ADGRF1: variants seen among roughly 807,000 people sequenced by gnomAD.
ADGRF1 encodes the protein adhesion G protein-coupled receptor F1.
Under a neutral mutation model 87.2 loss-of-function variants are expected in ADGRF1, and 85 were observed. That is an observed-to-expected ratio of 0.97 (90% CI 0.82 to 1.17). The LOEUF (loss-of-function observed/expected upper bound fraction) is 1.17, where lower values mean the gene tolerates loss of function less well. ADGRF1 is among the 50% of genes most tolerant of loss of function. The pLI, the probability that ADGRF1 is intolerant of heterozygous loss-of-function variation, is 0.00. For synonymous variants in ADGRF1, 430 were observed against 408.8 expected (o/e 1.05, Z -0.63); for missense variants, 1,169 against 1,077.2 (o/e 1.09, Z -1.19).
chr6:47,018,731 G>A, intron 7 of ADGRF1: 1 of 322,272 alleles, frequency 3.1e-6, no homozygotes, highest in Non-Finnish European at 5.7e-6. Flanking sequence ...GGTCAACATG[G>A]TGAAACCCTT....
chr6:47,029,194 C>G (rs1320086237), intron 1 of ADGRF1, 90 bp from the exon 2 acceptor site: 1 of 695,368 alleles, frequency 1.4e-6, no homozygotes, highest in Non-Finnish European at 2.6e-6. Context: ...TAAGGCCTCA[C>G]TGAGCTGATC....
chr6:47,001,530 G>A lies in ADGRF1; in HGVS notation c.2630C>T (p.Ser877Leu), dbSNP rs1437747111. 2 of 1,613,756 alleles carry A rather than the reference G, an allele frequency of 1.2e-6. No individual in the cohort carries two copies. Among genetic ancestry groups the A allele is most frequent in the African/African-American group, 2.7e-5 (2 of 74,922 alleles). ...SSDLSAKPKFSKPFNPLQNKG... is the reference protein window; with the variant it reads ...SSDLSAKPKFLKPFNPLQNKG... Reference sequence around the variant, plus strand: ...GTTTTGCAGTGGGTTGAAAGGCTTTGAGAATTTGGGTTTGGCAGATAAATC... The same window carrying A: ...GTTTTGCAGTGGGTTGAAAGGCTTTAAGAATTTGGGTTTGGCAGATAAATC... The change falls in exon 14 of 15, where the codon TCA (serine) becomes TTA (leucine). Residue 877 changes from serine to leucine, a missense_variant. Coordinates refer to ENST00000371253, the MANE Select transcript of ADGRF1 (RefSeq NM_153840.4).
At chr6:47,003,303 C>A (rs1187086936) in intron 13 of ADGRF1, among the ~76,000 whole-genome samples, 1 of 152,132 alleles carries the variant, frequency 6.6e-6, no homozygotes, top group Admixed American at 6.5e-5. Flanking sequence ...CAGATAGGTC[C>A]TGAAAGAAAT....
rs370515443 is a variant in ADGRF1, at chr6:47,026,752, C to T, written c.128-749G>A. Among the ~76,000 whole-genome samples, 7 of 152,344 alleles carry T rather than the reference C, an allele frequency of 4.6e-5. No individual in the cohort carries two copies. In the East Asian group the frequency reaches 9.7e-4, roughly 21 times the overall value. ...AGCTCACCTATGAAAGACCTGACATCTCACACCATTGCACCCCACTCCCAT... is the reference window on the plus strand; with the variant it reads ...AGCTCACCTATGAAAGACCTGACATTTCACACCATTGCACCCCACTCCCAT... On this transcript the variant is annotated intron_variant, in intron 3 of 14. Coordinates refer to ENST00000371253, the MANE Select transcript of ADGRF1 (RefSeq NM_153840.4).
intron 9 of ADGRF1, chr6:47,014,405 T>C (rs1033816393): frequency 5.3e-6 from 6 of 1,134,350 alleles, no homozygotes; most frequent in Admixed American, 4.5e-5. Context: ...CCATCCATCA[T>C]AGACCTCCTC....
At position 47,042,181 on chromosome 6, in the gene ADGRF1, T is replaced by C. The variant is rs1458500617; in HGVS notation, c.-44+10A>G. Reference sequence around the variant, plus strand: ...GTTCTTAGTAATCAAAGTACAGTTATTGGGCTTACCTGGTGATTTATCTCT... The same window carrying C: ...GTTCTTAGTAATCAAAGTACAGTTACTGGGCTTACCTGGTGATTTATCTCT... On this transcript the variant is annotated intron_variant, in intron 1 of 14. Coordinates refer to ENST00000371253, the MANE Select transcript of ADGRF1 (RefSeq NM_153840.4). 1 of 152,222 alleles carries C rather than the reference T, an allele frequency of 6.6e-6. No individual in the cohort carries two copies. Among genetic ancestry groups the C allele is most frequent in the Non-Finnish European group, 1.5e-5 (1 of 68,040 alleles). The allele number at this position is 152,222 out of a possible 1,614,324, so 9.4% of individuals were successfully genotyped here.
At chr6:47,000,735 A>T (rs1473906620) in intron 14 of ADGRF1, among the ~76,000 whole-genome samples, 1 of 152,210 alleles carries the variant, frequency 6.6e-6, no homozygotes, top group Non-Finnish European at 1.5e-5. Context: ...CTTGAACTTT[A>T]TCTGGAATTT....
intron 1 of ADGRF1, among the ~76,000 whole-genome samples, chr6:47,039,734 G>A (rs376143022): frequency 3.9e-5 from 6 of 152,280 alleles, no homozygotes; most frequent in South Asian, 2.1e-4. Flanking sequence ...GACCAAGGCC[G>A]GTGGATTACT....
At chr6:47,002,542 A>C (rs1315012844) in intron 13 of ADGRF1, among the ~76,000 whole-genome samples, 4 of 152,184 alleles carry the variant, frequency 2.6e-5, no homozygotes, top group African/African-American at 7.2e-5. Flanking sequence ...TGCATCCTGT[A>C]CCATTTGGAG....
intron 2 of ADGRF1, 66 bp downstream of exon 2, chr6:47,028,927 C>A: frequency 7.7e-7 from 1 of 1,294,278 alleles, no homozygotes; most frequent in South Asian, 1.2e-5. Flanking sequence ...GTGAGGGGTT[C>A]TAAAAGTGCC....
intron 1 of ADGRF1, among the ~76,000 whole-genome samples, chr6:47,034,568 T>C (rs961714242): frequency 6.6e-6 from 1 of 152,232 alleles, no homozygotes; most frequent in African/African-American, 2.4e-5. Flanking sequence ...AACTACCGTA[T>C]ACTGACAGCC....
chr6:47,000,287 C>T lies in ADGRF1; in HGVS notation c.2668G>A (p.Ala890Thr). 1.9e-6 allele frequency: 3 copies of T among 1,594,674 alleles called. No individual in the cohort carries two copies. The highest frequency in any genetic ancestry group is 2.6e-6 in the Non-Finnish European group (3 of 1,166,794). ...GAGGAATCTCCAGTATGAGAAAATG[C>T]ATAATGGCCTGAAGGGGAAAAAAAA... ...FNPLQNKGHY[A>T]FSHTGDSSDN... The change falls in exon 15 of 15, where the codon GCA becomes ACA. Residue 890 changes from alanine to threonine, a missense_variant. Ala to Thr is a moderately conservative substitution (Grantham distance 58). Coordinates refer to ENST00000371253, the MANE Select transcript of ADGRF1 (RefSeq NM_153840.4).
rs923045719 is a variant in ADGRF1, at chr6:47,025,972, C to G, written c.159G>C (p.Gln53His). The change falls in exon 4 of 15, where the codon CAG becomes CAC. Residue 53 changes from glutamine (Q) to histidine (H), a missense_variant. Physicochemically the swap from Gln to His is conservative, Grantham distance 24. Transcript: ENST00000371253. The part of the protein sequence containing the change: ...GPVEEYQLLL[Q>H]VTYRDSKEKR... ...TCTCCTTGGAATCTCTATAGGTCAC[C>G]TGAAGCAGCAGCTGATATTCTTCGA... The G allele has an allele frequency of 1.2e-6, 2 of 1,607,336 alleles. No homozygotes were observed. Among genetic ancestry groups the G allele is most frequent in the East Asian group, 4.5e-5 (2 of 44,778 alleles).
At chr6:47,040,620 GC>G (rs1258310931) in intron 1 of ADGRF1, among the ~76,000 whole-genome samples, 1 of 152,172 alleles carries the variant, frequency 6.6e-6, no homozygotes, top group East Asian at 1.9e-4. Flanking sequence ...TCCCGGGGAT[GC>G]CACTCCCCCA....
chr6:47,003,114 C>T (rs1021953269), intron 13 of ADGRF1, among the ~76,000 whole-genome samples: 1 of 151,184 alleles, frequency 6.6e-6, no homozygotes, highest in African/African-American at 2.4e-5. Context: ...AAGGAGATTT[C>T]AAAGAAACCT....
intron 1 of ADGRF1, among the ~76,000 whole-genome samples, chr6:47,036,693 TTA>T (rs1324635444): frequency 1.3e-5 from 2 of 152,240 alleles, no homozygotes; most frequent in Non-Finnish European, 2.9e-5. Flanking sequence ...CACTAATTCT[TTA>T]TGTTTCCCTT....
At chr6:47,007,717 G>A (rs1185795332) in intron 11 of ADGRF1, among the ~76,000 whole-genome samples, 1 of 152,206 alleles carries the variant, frequency 6.6e-6, no homozygotes, top group African/African-American at 2.4e-5. Context: ...ACCTATATCA[G>A]CACCCTTTCC....
chr6:47,020,516 A>G, intron 7 of ADGRF1: 2 of 1,515,522 alleles, frequency 1.3e-6, no homozygotes, highest in Non-Finnish European at 1.8e-6. Context: ...AAAAAAAAAA[A>G]ATTTAAGGTC....
At chr6:47,039,081 TC>T (rs140162155) in intron 1 of ADGRF1, among the ~76,000 whole-genome samples, 1,728 of 152,328 alleles carry the variant, frequency 0.011, 41 homozygotes, top group African/African-American at 0.039. Context: ...TATCTGCTTA[TC>T]CCAAAACAAT....
Sources: allele counts gnomAD v4.1 joint callset (sites outside exome capture counted in the v4.1 genomes callset), GRCh38; gene constraint gnomAD v4.1.1; transcripts MANE v1.5; gene names NCBI Gene and HGNC (gene_info 2026-07-23, HGNC 2026-07-21).